PTPRT: variants seen among roughly 807,000 people sequenced by gnomAD.
PTPRT encodes protein tyrosine phosphatase receptor type T, also known as receptor-type tyrosine-protein phosphatase T.
A neutral mutation model predicts 176.8 loss-of-function variants in PTPRT; 56 were observed. The ratio of observed to expected loss-of-function variants is 0.32; its 90% CI spans 0.26 to 0.40. The LOEUF (loss-of-function observed/expected upper bound fraction) is 0.40, where lower values mean the gene tolerates loss of function less well. Among genes scored for constraint, PTPRT ranks in the 10% least tolerant of loss-of-function variants. The probability of loss-of-function intolerance (pLI) is 1.00; values close to 1 mark genes in which losing one functional copy is unlikely to be tolerated. For missense variants in PTPRT, 1,540 were observed against 1,908.2 expected (o/e 0.81, Z 3.60); for synonymous variants, 783 against 739.0 (o/e 1.06, Z -0.96).
chr20:42,683,715 C>T (rs2075644597), intron 6 of PTPRT, among the ~76,000 whole-genome samples: 1 of 152,342 alleles, frequency 6.6e-6, no homozygotes, highest in African/African-American at 2.4e-5. Flanking sequence ...ATGCGCAACA[C>T]TGTTTTCATA....
intron 1 of PTPRT, among the ~76,000 whole-genome samples, chr20:43,157,365 A>G (rs1215026939): frequency 1.3e-5 from 2 of 152,132 alleles, no homozygotes; most frequent in African/African-American, 4.8e-5. Context: ...CCGTGTCTCA[A>G]ACAAACAAAA....
intron 9 of PTPRT, among the ~76,000 whole-genome samples, chr20:42,384,074 G>T (rs1362061501): frequency 6.6e-6 from 1 of 152,208 alleles, no homozygotes; most frequent in African/African-American, 2.4e-5. Context: ...CAAATCAGGT[G>T]AATACCTTGC....
At chr20:42,401,966 C>T (rs949549856) in intron 9 of PTPRT, among the ~76,000 whole-genome samples, 2 of 152,178 alleles carry the variant, frequency 1.3e-5, no homozygotes, top group Admixed American at 6.5e-5. Flanking sequence ...AGCTGGTGGA[C>T]ATCTGTCCTG....
chr20:42,763,063 G>A (rs1001148043), intron 5 of PTPRT, among the ~76,000 whole-genome samples: 3 of 152,158 alleles, frequency 2.0e-5, no homozygotes, highest in Admixed American at 6.5e-5. Context: ...CCCCAGGCAA[G>A]ACCCCTCTAT....
intron 7 of PTPRT, among the ~76,000 whole-genome samples, chr20:42,583,914 T>G (rs2073424111): frequency 6.6e-6 from 1 of 152,176 alleles, no homozygotes; most frequent in African/African-American, 2.4e-5. Context: ...CTAAGTTTAT[T>G]TCTCCCACTA....
At chr20:42,489,139 T>C (rs6030273) in intron 7 of PTPRT, among the ~76,000 whole-genome samples, 19,719 of 151,504 alleles carry the variant, frequency 0.13, 3,056 homozygotes, top group African/African-American at 0.38. Context: ...TTAGGGTACA[T>C]GTGCACAACC....
chr20:42,652,839 C>A (rs1317372150), intron 7 of PTPRT, among the ~76,000 whole-genome samples: 2 of 152,108 alleles, frequency 1.3e-5, no homozygotes, highest in African/African-American at 4.8e-5. Context: ...ATGGATCTGG[C>A]AACACTCAGA....
intron 2 of PTPRT, among the ~76,000 whole-genome samples, chr20:42,798,784 G>T (rs1394261346): frequency 6.6e-6 from 1 of 152,082 alleles, no homozygotes; most frequent in African/African-American, 2.4e-5. Flanking sequence ...ATGCAAATTT[G>T]TTAAGGCAAT....
intron 7 of PTPRT, among the ~76,000 whole-genome samples, chr20:42,628,103 G>T (rs2074329858): frequency 6.6e-6 from 1 of 152,112 alleles, no homozygotes; most frequent in African/African-American, 2.4e-5. Flanking sequence ...ACACAGGGTG[G>T]GGAAAGAAGG....
chr20:42,123,259 A>T (rs1987678656), intron 19 of PTPRT, among the ~76,000 whole-genome samples: 1 of 152,238 alleles, frequency 6.6e-6, no homozygotes, highest in Non-Finnish European at 1.5e-5. Context: ...CAAGAGATTC[A>T]CATTTTAGTT....
At chr20:43,103,411 G>A (rs8126368) in intron 1 of PTPRT, among the ~76,000 whole-genome samples, 1 of 152,170 alleles carries the variant, frequency 6.6e-6, no homozygotes. Context: ...TCTTTCCCAA[G>A]AACGTGGTGT....
At chr20:42,108,683 G>GATTA (rs1986727430) in intron 23 of PTPRT, among the ~76,000 whole-genome samples, 1 of 152,158 alleles carries the variant, frequency 6.6e-6, no homozygotes, top group Non-Finnish European at 1.5e-5. Flanking sequence ...TGTCCTGAAG[G>GATTA]ATTAATAAAT....
rs1982493254 is a variant in PTPRT at position 42,073,573 on chromosome 20, G to A, written c.*7306C>T. On this transcript the variant is annotated 3_prime_UTR_variant, in exon 31 of 31. Transcript: ENST00000373187. The stretch of plus-strand genomic sequence containing the variant: ...CACTCATGGCCCTGTTGGTCAGTGG[G>A]TCTGAGTTATGGCTGCTCTCATGAG... 1 of 219,178 alleles carries A rather than the reference G, an allele frequency of 4.6e-6. No homozygotes were observed. The highest frequency in any genetic ancestry group is 5.8e-5 in the Admixed American group (1 of 17,194). 13.6% of individuals were successfully genotyped at this position (219,178 alleles called of 1,614,324 possible).
At chr20:42,996,367 A>G (rs1424658906) in intron 1 of PTPRT, among the ~76,000 whole-genome samples, 1 of 152,224 alleles carries the variant, frequency 6.6e-6, no homozygotes, top group Non-Finnish European at 1.5e-5. Context: ...ACTGCATATG[A>G]GAAGTGAGAT....
chr20:42,303,666 C>T (rs1182488161), intron 12 of PTPRT, among the ~76,000 whole-genome samples: 4 of 152,028 alleles, frequency 2.6e-5, no homozygotes, highest in Admixed American at 2.0e-4. Context: ...TGCTGTGATT[C>T]GAGAATCTGT....
chr20:42,617,172 C>T (rs2074097599), intron 7 of PTPRT, among the ~76,000 whole-genome samples: 1 of 136,746 alleles, frequency 7.3e-6, no homozygotes. Context: ...TTGTCAAAGG[C>T]TTTTTCCGCA....
intron 9 of PTPRT, among the ~76,000 whole-genome samples, chr20:42,431,438 G>C (rs888148532): frequency 2.0e-5 from 3 of 152,064 alleles, no homozygotes; most frequent in Admixed American, 1.3e-4. Context: ...CATTAAAAAA[G>C]ATGAACTATT....
chr20:42,782,779 G>A (rs2077233396), intron 3 of PTPRT, among the ~76,000 whole-genome samples: 1 of 152,180 alleles, frequency 6.6e-6, no homozygotes, highest in Admixed American at 6.5e-5. Flanking sequence ...CAAAAATAGT[G>A]TGAAAACCTT....
At chr20:43,125,521 G>A (rs1479028773) in intron 1 of PTPRT, among the ~76,000 whole-genome samples, 1 of 152,182 alleles carries the variant, frequency 6.6e-6, no homozygotes, top group Non-Finnish European at 1.5e-5. Context: ...TAGACTGGAC[G>A]TTAGCATCTA....
Sources: allele counts gnomAD v4.1 joint callset (sites outside exome capture counted in the v4.1 genomes callset), GRCh38; gene constraint gnomAD v4.1.1; transcripts MANE v1.5; gene names NCBI Gene and HGNC (gene_info 2026-07-23, HGNC 2026-07-21).